GALNT13: variants seen among roughly 807,000 people sequenced by gnomAD.
The protein encoded by GALNT13 is polypeptide N-acetylgalactosaminyltransferase 13, also known as UDP-GalNAc:polypeptide N-acetylgalactosaminyltransferase 13.
A neutral mutation model predicts 64.2 loss-of-function variants in GALNT13; 28 were observed. That is an observed-to-expected ratio of 0.44 (90% CI 0.32 to 0.60). The LOEUF (loss-of-function observed/expected upper bound fraction) is 0.60, where lower values mean the gene tolerates loss of function less well. Among genes scored for constraint, GALNT13 ranks in the 20% least tolerant of loss-of-function variants. The pLI is 0.05. For missense variants in GALNT13, 577 were observed against 669.8 expected, an observed-to-expected ratio of 0.86 and a Z score of 1.53; for synonymous variants, 214 against 224.6, an observed-to-expected ratio of 0.95 and a Z score of 0.42.
chr2:153,763,760 G>A, the GALNT13 span, among the ~76,000 whole-genome samples: 2 of 152,188 alleles, frequency 1.3e-5, no homozygotes, highest in Non-Finnish European at 2.9e-5. Flanking sequence ...TTGGAATTGG[G>A]TAACAGGAAG....
chr2:153,873,922 A>G (rs1686172230), intron 1 of GALNT13, among the ~76,000 whole-genome samples: 1 of 151,446 alleles, frequency 6.6e-6, no homozygotes, highest in Non-Finnish European at 1.5e-5. Flanking sequence ...TGTTAAAGAA[A>G]CCTGCTGGTT....
chr2:153,412,578 C>T, the GALNT13 span, among the ~76,000 whole-genome samples: 22 of 152,316 alleles, frequency 1.4e-4, no homozygotes, highest in African/African-American at 4.8e-4. Context: ...GTCTCAGGAA[C>T]AACTGAATCA....
the GALNT13 span, among the ~76,000 whole-genome samples, chr2:153,657,957 TAA>T: frequency 1.9e-4 from 29 of 152,104 alleles, no homozygotes; most frequent in Non-Finnish European, 4.0e-4. Context: ...TTAATATACC[TAA>T]GTCTGCCTTC....
intron 11 of GALNT13, among the ~76,000 whole-genome samples, chr2:154,423,385 T>C (rs1221938865): frequency 1.3e-5 from 2 of 152,166 alleles, no homozygotes; most frequent in African/African-American, 4.8e-5. Flanking sequence ...TGTGCATGTG[T>C]CTTTATAGTA....
At chr2:153,661,156 A>T in the GALNT13 span, among the ~76,000 whole-genome samples, 1 of 152,084 alleles carries the variant, frequency 6.6e-6, no homozygotes, top group South Asian at 2.1e-4. Context: ...ATCCTGTCCA[A>T]TTCACTTAAC....
intron 3 of GALNT13, among the ~76,000 whole-genome samples, chr2:154,008,906 G>A (rs962020252): frequency 2.6e-5 from 4 of 152,146 alleles, no homozygotes; most frequent in African/African-American, 9.7e-5. Flanking sequence ...ATGAATATAC[G>A]AGTGTATGTG....
At position 153,944,416 on chromosome 2, in the gene GALNT13, T is replaced by G; in HGVS notation, c.-82T>G. ...CAGTGGAATGTATCCTGCTTTCATC[T>G]TGGAGTTCACCTGTGTGGCTTGGAT... On this transcript the variant is annotated 5_prime_UTR_variant, in exon 3 of 13. Coordinates refer to ENST00000392825, the MANE Select transcript of GALNT13 (RefSeq NM_052917.4). 7.8e-7 allele frequency: 1 copy of G among 1,275,096 alleles called. No homozygotes were observed. Among genetic ancestry groups the G allele is most frequent in the Non-Finnish European group, 1.1e-6 (1 of 905,064 alleles). The allele number at this position is 1,275,096 out of a possible 1,614,324, so 79.0% of individuals were successfully genotyped here. A position where few individuals can be genotyped will look rare whatever the true frequency, so the allele number is the denominator to read the frequency against.
intron 7 of GALNT13, among the ~76,000 whole-genome samples, chr2:154,246,852 T>C (rs887839601): frequency 6.6e-6 from 1 of 152,014 alleles, no homozygotes; most frequent in Admixed American, 6.6e-5. Flanking sequence ...CTGTCATCAA[T>C]CTTATAATGG....
intron 4 of GALNT13, among the ~76,000 whole-genome samples, chr2:154,220,628 AATCTTG>A (rs1021407559): frequency 6.6e-6 from 1 of 152,104 alleles, no homozygotes; most frequent in Non-Finnish European, 1.5e-5. Context: ...AAGCTGTTAA[AATCTTG>A]ATCTTGTACA....
intron 3 of GALNT13, among the ~76,000 whole-genome samples, chr2:153,969,272 A>G (rs1424300671): frequency 6.6e-6 from 1 of 152,060 alleles, no homozygotes; most frequent in East Asian, 1.9e-4. Flanking sequence ...TACACACCCC[A>G]TAATTTACCT....
the GALNT13 span, among the ~76,000 whole-genome samples, chr2:153,226,214 G>A: frequency 1.3e-5 from 2 of 152,092 alleles, no homozygotes; most frequent in African/African-American, 2.4e-5. Flanking sequence ...TTACAGGTGT[G>A]AGCCACCACG....
At chr2:153,271,847 T>C in the GALNT13 span, among the ~76,000 whole-genome samples, 2 of 152,112 alleles carry the variant, frequency 1.3e-5, no homozygotes, top group Non-Finnish European at 2.9e-5. Context: ...GGAGGCATTA[T>C]GCTACCTGTC....
chr2:153,881,866 A>G (rs1242609415), intron 1 of GALNT13, among the ~76,000 whole-genome samples: 1 of 152,154 alleles, frequency 6.6e-6, no homozygotes, highest in Non-Finnish European at 1.5e-5. Context: ...TGGGCAATTC[A>G]CATTTATCTC....
At chr2:153,750,301 G>A in the GALNT13 span, among the ~76,000 whole-genome samples, 11 of 151,462 alleles carry the variant, frequency 7.3e-5, no homozygotes, top group Admixed American at 6.6e-4. Flanking sequence ...TTTAATGTGT[G>A]TTTGTCTGGT....
intron 3 of GALNT13, among the ~76,000 whole-genome samples, chr2:153,973,584 T>G (rs563503404): frequency 2.6e-5 from 4 of 152,012 alleles, no homozygotes; most frequent in African/African-American, 4.8e-5. Context: ...GCTATTTATG[T>G]GCTTTTCTTT....
At chr2:153,718,306 C>T in the GALNT13 span, among the ~76,000 whole-genome samples, 9 of 152,164 alleles carry the variant, frequency 5.9e-5, no homozygotes, top group East Asian at 1.7e-3. Context: ...TGATCCAAAG[C>T]CAGGACACAA....
At chr2:153,533,958 G>A in the GALNT13 span, among the ~76,000 whole-genome samples, 4 of 150,428 alleles carry the variant, frequency 2.7e-5, no homozygotes, top group East Asian at 2.0e-4. Flanking sequence ...GGCAGGTCTC[G>A]AACTCCTGGG....
the GALNT13 span, among the ~76,000 whole-genome samples, chr2:153,147,512 T>C: frequency 6.6e-6 from 1 of 151,500 alleles, no homozygotes; most frequent in East Asian, 2.0e-4. Context: ...TCACCTCGCA[T>C]TCTCTTCAGG....
chr2:153,856,113 T>C, the GALNT13 span, among the ~76,000 whole-genome samples: 2 of 152,098 alleles, frequency 1.3e-5, no homozygotes, highest in Non-Finnish European at 2.9e-5. Flanking sequence ...TGGAATTTAT[T>C]TGGGGGTGAT....
Sources: gnomAD v4.1 joint callset for allele counts (sites outside exome capture counted in the v4.1 genomes callset) on GRCh38, gnomAD v4.1.1 for gene constraint, MANE v1.5 for transcripts, NCBI Gene and HGNC (gene_info 2026-07-23, HGNC 2026-07-21) for gene names.